CACNA1B: variants seen among roughly 807,000 people sequenced by gnomAD.
The protein encoded by CACNA1B is calcium voltage-gated channel subunit alpha1 B, also known as voltage-dependent N-type calcium channel subunit alpha-1B.
A neutral mutation model predicts 247.2 loss-of-function variants in CACNA1B; 70 were observed. The ratio of observed to expected loss-of-function variants is 0.28; its 90% confidence interval spans 0.23 to 0.35. The LOEUF is 0.35. Among genes scored for constraint, CACNA1B ranks in the 10% least tolerant of loss-of-function variants. CACNA1B has a pLI of 1.00. For missense variants in CACNA1B, 2,367 were observed against 3,197.4 expected (o/e 0.74, Z 6.26); for synonymous variants, 1,231 against 1,294.4 (o/e 0.95, Z 1.05).
intron 6 of CACNA1B, among the ~76,000 whole-genome samples, chr9:137,944,787 G>A (rs547060258): frequency 8.3e-4 from 127 of 152,186 alleles, no homozygotes; most frequent in Non-Finnish European, 1.7e-3. Context: ...AGCAGGGCTG[G>A]AGGGGGAGAT....
chr9:138,006,706 GT>G, intron 15 of CACNA1B, 60 bp from the exon 16 acceptor site: 1 of 881,396 alleles, frequency 1.1e-6, no homozygotes, highest in East Asian at 2.5e-5. Context: ...GTGGGTGGGG[GT>G]GCGTGTGTGT....
chr9:138,036,758 C>T (rs912387670), intron 20 of CACNA1B, among the ~76,000 whole-genome samples: 6 of 152,264 alleles, frequency 3.9e-5, no homozygotes, highest in East Asian at 1.9e-4. Flanking sequence ...TCCTGTGCTC[C>T]GTCTCCACCC....
intron 19 of CACNA1B, 110 bp downstream of exon 19, chr9:138,023,921 A>G: frequency 1.6e-6 from 1 of 626,632 alleles, no homozygotes; most frequent in Non-Finnish European, 2.8e-6. Context: ...AGCCCCGGCC[A>G]CGCTGCCATG....
In CACNA1B at chr9:138,011,170, T is replaced by A. The variant is rs1321643913; in HGVS notation, c.2160+1093T>A. On this transcript the variant is annotated intron_variant, in intron 17 of 46. Transcript: ENST00000371372. The surrounding 1 kb of genome is among the most constrained non-coding windows in gnomAD (Gnocchi z 4.2). ...CTGTCTTCAGCTGGGCCGCTTGGGT[T>A]GGGGGAGCCCAAGCCCCCACAGAGC... Among the ~76,000 whole-genome samples, 1 of 152,172 alleles carries A rather than the reference T, an allele frequency of 6.6e-6. No homozygotes were observed. Among genetic ancestry groups the A allele is most frequent in the African/African-American group, 2.4e-5 (1 of 41,446 alleles).
At chr9:138,065,189 T>G (rs1959872506) in intron 31 of CACNA1B, among the ~76,000 whole-genome samples, 1 of 152,200 alleles carries the variant, frequency 6.6e-6, no homozygotes, top group African/African-American at 2.4e-5. Flanking sequence ...TTATCCTGCC[T>G]GTCTTCCAGC....
At position 138,052,683 on chromosome 9, in the gene CACNA1B, T is replaced by C. The variant is rs866749268; in HGVS notation, c.3807+495T>C. 6.6e-6 allele frequency among the ~76,000 whole-genome samples: 1 copy of C among 152,250 alleles called. No homozygotes were observed. Among genetic ancestry groups the C allele is most frequent in the African/African-American group, 2.4e-5 (1 of 41,464 alleles). ...GCTCACTTAATCTCCCAAACCTTTATGCAGCAGATTCTTTTACTGGAAATT... is the reference window on the plus strand; with the variant it reads ...GCTCACTTAATCTCCCAAACCTTTACGCAGCAGATTCTTTTACTGGAAATT... On this transcript the variant is annotated intron_variant, in intron 25 of 46. Transcript: ENST00000371372. The surrounding 1 kb of genome is among the most constrained non-coding windows in gnomAD (Gnocchi z 5.1).
At chr9:137,895,438 T>A (rs1957162186) in intron 3 of CACNA1B, among the ~76,000 whole-genome samples, 1 of 152,226 alleles carries the variant, frequency 6.6e-6, no homozygotes, top group Admixed American at 6.5e-5. Flanking sequence ...GTATGTTAGT[T>A]TATGAACATT....
At chr9:138,032,300 G>A (rs1174836809) in intron 20 of CACNA1B, among the ~76,000 whole-genome samples, 3 of 151,646 alleles carry the variant, frequency 2.0e-5, no homozygotes, top group African/African-American at 2.4e-5. Context: ...TCTTTATATC[G>A]CTTTTTCCTC....
Position 138,061,882 on chromosome 9 carries a change from A to G in CACNA1B, c.4668+2145A>G, listed in dbSNP as rs549222143. Among the ~76,000 whole-genome samples, 4 of 152,350 alleles carry G rather than the reference A, an allele frequency of 2.6e-5. No individual in the cohort carries two copies. In the South Asian group the frequency reaches 8.3e-4, roughly 32 times the overall value. On this transcript the variant is annotated intron_variant, in intron 31 of 46. Transcript: ENST00000371372. Reference sequence around the variant, plus strand: ...GTTGCTGTCTGTTCATTCCCGGTAGATAATCGTCAGTGGTCATGACTGGAT... The same window carrying G: ...GTTGCTGTCTGTTCATTCCCGGTAGGTAATCGTCAGTGGTCATGACTGGAT...
chr9:137,893,569 T>C (rs2133247306), intron 3 of CACNA1B, among the ~76,000 whole-genome samples: 1 of 151,388 alleles, frequency 6.6e-6, no homozygotes, highest in African/African-American at 2.4e-5. Context: ...GAGGATCGCT[T>C]GAACCCAGGA....
Position 137,974,829 on chromosome 9 carries a change from C to T in CACNA1B, c.1544-1078C>T, listed in dbSNP as rs543414873. The stretch of plus-strand genomic sequence containing the variant: ...CATGCCCTCCCAGGGCCTTGTTCTC[C>T]ATGTGGGCTCTGCCCTGGGCTCTGT... On this transcript the variant is annotated intron_variant, in intron 11 of 46. Transcript: ENST00000371372. The surrounding 1 kb of genome is among the most constrained non-coding windows in gnomAD (Gnocchi z 4.5). 2.0e-4 allele frequency among the ~76,000 whole-genome samples: 30 copies of T among 152,356 alleles called. No homozygotes were observed. The South Asian group carries it at 6.0e-3, about 30-fold the overall frequency.
At chr9:137,945,517 T>A (rs1218477542) in intron 6 of CACNA1B, among the ~76,000 whole-genome samples, 1 of 152,250 alleles carries the variant, frequency 6.6e-6, no homozygotes, top group African/African-American at 2.4e-5. Flanking sequence ...ATGAGTTTCC[T>A]CTTGTCCCTG....
chr9:137,976,236 C>T (rs770269560), intron 12 of CACNA1B, among the ~76,000 whole-genome samples: 5 of 152,358 alleles, frequency 3.3e-5, no homozygotes, highest in African/African-American at 4.8e-5. Flanking sequence ...AGCTCTCTGT[C>T]GGCGGGAGGT....
intron 32 of CACNA1B, 105 bp downstream of exon 32, chr9:138,069,868 G>C: frequency 9.9e-7 from 1 of 1,013,004 alleles, no homozygotes; most frequent in Non-Finnish European, 1.6e-6. Flanking sequence ...CCCTCTAGGC[G>C]TGTGGTTGGA....
intron 15 of CACNA1B, among the ~76,000 whole-genome samples, chr9:137,999,526 TA>T (rs1182628688): frequency 8.7e-5 from 13 of 149,072 alleles, no homozygotes; most frequent in Admixed American, 6.0e-4. Context: ...CAAGTACTCT[TA>T]AAAAAAAAAG....
At chr9:138,076,630 A>G (rs536729292) in intron 35 of CACNA1B, among the ~76,000 whole-genome samples, 21 of 152,204 alleles carry the variant, frequency 1.4e-4, no homozygotes, top group African/African-American at 2.9e-4. Context: ...AACAGGAGCT[A>G]TGGGCCATCC....
At chr9:138,091,684 A>G (rs916088116) in intron 36 of CACNA1B, among the ~76,000 whole-genome samples, 3 of 152,228 alleles carry the variant, frequency 2.0e-5, no homozygotes, top group Non-Finnish European at 4.4e-5. Context: ...TGCAATTATT[A>G]CATGTCAATT....
Position 137,914,538 on chromosome 9 carries a change from A to T in CACNA1B, c.623-116A>T. ...CTATCCTTTGCCCTTGCAAGCACTC[A>T]CTGCTTAGCACCTTGCTGTCCCTGC... is the stretch of plus-strand genomic sequence containing the variant. On this transcript the variant is annotated intron_variant, in intron 4 of 46. Coordinates refer to ENST00000371372, the MANE Select transcript of CACNA1B (RefSeq NM_000718.4). The surrounding 1 kb of genome is among the most constrained non-coding windows in gnomAD (Gnocchi z 4.3). 1.2e-6 allele frequency: 1 copy of T among 814,128 alleles called. No individual in the cohort carries two copies. The highest frequency in any genetic ancestry group is 2.0e-6 in the Non-Finnish European group (1 of 511,008). The allele number at this position is 814,128 out of a possible 1,614,324, so 50.4% of individuals were successfully genotyped here.
intron 31 of CACNA1B, among the ~76,000 whole-genome samples, chr9:138,067,377 C>T (rs1959956681): frequency 6.6e-6 from 1 of 152,180 alleles, no homozygotes. Flanking sequence ...ACTAACTAGA[C>T]TAGTATAATG....
Sources: gnomAD v4.1 joint callset for allele counts (sites outside exome capture counted in the v4.1 genomes callset) on GRCh38, gnomAD v4.1.1 for gene constraint, Gnocchi (gnomAD v3.1) non-coding constraint, MANE v1.5 for transcripts, NCBI Gene and HGNC (gene_info 2026-07-23, HGNC 2026-07-21) for gene names.